The following COL5A2 variants were observed in gnomAD, a reference collection of about 807,000 sequenced individuals.
COL5A2 encodes collagen type V alpha 2 chain, also known as collagen alpha-2(V) chain.
In COL5A2, 23 loss-of-function variants were observed where a neutral mutation model predicts 208.2. The observed-to-expected ratio is 0.11, with a 90% CI of 0.08 to 0.16. COL5A2 has a LOEUF of 0.16. COL5A2 is among the 10% of genes least tolerant of loss of function. The probability of loss-of-function intolerance (pLI) is 1.00; values close to 1 mark genes in which losing one functional copy is unlikely to be tolerated. For missense variants in COL5A2, 1,590 were observed against 1,956.4 expected, an observed-to-expected ratio of 0.81 and a Z score of 3.53; for synonymous variants, 625 against 628.5, an observed-to-expected ratio of 0.99 and a Z score of 0.08.
intron 45 of COL5A2, among the ~76,000 whole-genome samples, chr2:189,047,034 A>C (rs1014535339): frequency 6.6e-6 from 1 of 151,946 alleles, no homozygotes; most frequent in Non-Finnish European, 1.5e-5. Flanking sequence ...AGGCAGGAGA[A>C]TCACTTGAAC....
the COL5A2 span, among the ~76,000 whole-genome samples, chr2:189,374,530 C>T: frequency 4.2e-3 from 644 of 152,048 alleles, 5 homozygotes; most frequent in African/African-American, 0.015. Flanking sequence ...ATGTGTGTTG[C>T]ATGAATGCAT....
At chr2:189,339,550 T>A in the COL5A2 span, among the ~76,000 whole-genome samples, 1 of 152,106 alleles carries the variant, frequency 6.6e-6, no homozygotes, top group African/African-American at 2.4e-5. Context: ...AGAAAGCCAA[T>A]CACTGAGCCA....
intron 1 of COL5A2, among the ~76,000 whole-genome samples, chr2:189,206,190 G>A (rs760543510): frequency 1.3e-5 from 2 of 152,288 alleles, no homozygotes; most frequent in Non-Finnish European, 2.9e-5. Flanking sequence ...GTGGGGAACC[G>A]GGAAGGGCAG....
At position 189,065,024 on chromosome 2, in the gene COL5A2, C is replaced by G. The variant is rs1266959795; in HGVS notation, c.1597G>C (p.Asp533His). Residue 533 changes from aspartate (D) to histidine (H), a missense_variant, in exon 24 of 54, where the codon GAT becomes CAT. Transcript: ENST00000374866. ...CTCACCTTTGGCCCAGGTAAACCATCAGAGCCTGGAAAACCACGATTGCCA... is the reference window on the plus strand; with the variant it reads ...CTCACCTTTGGCCCAGGTAAACCATGAGAGCCTGGAAAACCACGATTGCCA... ...APGNRGFPGS[D>H]GLPGPKGAQG... 1.2e-6 allele frequency: 2 copies of G among 1,613,804 alleles called. No individual in the cohort carries two copies. Among genetic ancestry groups the G allele is most frequent in the African/African-American group, 2.7e-5 (2 of 75,024 alleles).
chr2:189,427,639 C>G, the COL5A2 span, among the ~76,000 whole-genome samples: 80 of 152,324 alleles, frequency 5.3e-4, no homozygotes, highest in African/African-American at 1.9e-3. Context: ...GTGAACCCTG[C>G]AAAGCCACAG....
At chr2:189,128,690 T>C (rs753598278) in intron 1 of COL5A2, among the ~76,000 whole-genome samples, 3 of 152,008 alleles carry the variant, frequency 2.0e-5, no homozygotes, top group African/African-American at 7.2e-5. Context: ...GATTCAGAAA[T>C]AATTACTATC....
Position 189,032,824 on chromosome 2 carries a change from G to T in COL5A2, c.*1246C>A, listed in dbSNP as rs147584410. ...GTCTAACAGTTATGTTTTCACAATGGTAGTGATTAAACCATCTTTATTTTT... is the reference window on the plus strand; with the variant it reads ...GTCTAACAGTTATGTTTTCACAATGTTAGTGATTAAACCATCTTTATTTTT... On this transcript the variant is annotated 3_prime_UTR_variant, in exon 54 of 54. Coordinates refer to ENST00000374866, the MANE Select transcript of COL5A2 (RefSeq NM_000393.5). 5 of 152,640 alleles carry T rather than the reference G, an allele frequency of 3.3e-5. No individual in the cohort carries two copies. The East Asian group carries it at 9.7e-4, about 30-fold the overall frequency. The allele number at this position is 152,640 out of a possible 1,614,324, so 9.5% of individuals were successfully genotyped here. A position where few individuals can be genotyped will look rare whatever the true frequency, so the allele number is the denominator to read the frequency against.
At chr2:189,375,976 T>G in the COL5A2 span, among the ~76,000 whole-genome samples, 7 of 152,306 alleles carry the variant, frequency 4.6e-5, no homozygotes, top group South Asian at 1.2e-3. Flanking sequence ...GAGATCTTTT[T>G]GCCCTTTTCT....
At chr2:189,323,725 T>C in the COL5A2 span, among the ~76,000 whole-genome samples, 1 of 152,126 alleles carries the variant, frequency 6.6e-6, no homozygotes. Flanking sequence ...AGAATCAATA[T>C]TGTGAAAATG....
At chr2:189,213,597 G>A (rs1222064149) in intron 1 of COL5A2, among the ~76,000 whole-genome samples, 1 of 152,224 alleles carries the variant, frequency 6.6e-6, no homozygotes, top group Admixed American at 6.5e-5. Context: ...CCAGACTGTA[G>A]GAAACTACAG....
intron 1 of COL5A2, among the ~76,000 whole-genome samples, chr2:189,144,033 G>C (rs1263287947): frequency 6.6e-6 from 1 of 151,872 alleles, no homozygotes; most frequent in East Asian, 1.9e-4. Context: ...CTTTAGAGGA[G>C]GAAAAAAAAG....
chr2:189,064,697 G>A (rs767931677), intron 24 of COL5A2, 42 bp from the exon 25 acceptor site: 1 of 1,367,766 alleles, frequency 7.3e-7, no homozygotes. Flanking sequence ...AAAGAGTATA[G>A]AAAAACAAAA....
intron 52 of COL5A2, among the ~76,000 whole-genome samples, chr2:189,035,470 C>T (rs559640542): frequency 5.5e-4 from 83 of 151,852 alleles, no homozygotes; most frequent in Non-Finnish European, 8.4e-4. Context: ...ATTTTTATTG[C>T]TAATTATAAT....
chr2:189,346,268 T>C, the COL5A2 span, among the ~76,000 whole-genome samples: 1 of 152,160 alleles, frequency 6.6e-6, no homozygotes, highest in African/African-American at 2.4e-5. Flanking sequence ...CAGCTCTTAG[T>C]TTGCTTTCTG....
chr2:189,242,205 C>T, the COL5A2 span, among the ~76,000 whole-genome samples: 1 of 152,046 alleles, frequency 6.6e-6, no homozygotes, highest in East Asian at 1.9e-4. Context: ...TGCTTTCTGG[C>T]ATGTCTTAAT....
At chr2:189,041,169 G>T (rs916352814) in intron 50 of COL5A2, among the ~76,000 whole-genome samples, 4 of 152,096 alleles carry the variant, frequency 2.6e-5, no homozygotes, top group African/African-American at 9.7e-5. Context: ...TTTAATCAAA[G>T]TCCTCCCTGA....
At chr2:189,107,524 C>A (rs1687174912) in intron 2 of COL5A2, among the ~76,000 whole-genome samples, 1 of 151,290 alleles carries the variant, frequency 6.6e-6, no homozygotes, top group South Asian at 2.1e-4. Flanking sequence ...TCTCACTTTT[C>A]AACTTCTGTT....
In COL5A2 at chr2:189,032,586, T is replaced by C. The variant is rs1166016179; in HGVS notation, c.*1484A>G. 2.6e-5 allele frequency: 4 copies of C among 152,152 alleles called. No individual in the cohort carries two copies. Among genetic ancestry groups the C allele is most frequent in the Non-Finnish European group, 5.9e-5 (4 of 68,008 alleles). 9.4% of individuals were successfully genotyped at this position (152,152 alleles called of 1,614,324 possible). On this transcript the variant is annotated 3_prime_UTR_variant, in exon 54 of 54. Transcript: ENST00000374866. ...TGACCAAAGTTGTATGCATGGCTTG[T>C]CTTTTGGGATGGTCCCAGCTGTTTA...
At chr2:189,153,731 G>C (rs1232864905) in intron 1 of COL5A2, among the ~76,000 whole-genome samples, 4 of 151,814 alleles carry the variant, frequency 2.6e-5, no homozygotes, top group Non-Finnish European at 5.9e-5. Flanking sequence ...TATACTCTCT[G>C]GTTTCTGCTT....
Sources: gnomAD v4.1 joint callset for allele counts (sites outside exome capture counted in the v4.1 genomes callset) on GRCh38, gnomAD v4.1.1 for gene constraint, MANE v1.5 for transcripts, NCBI Gene and HGNC (gene_info 2026-07-23, HGNC 2026-07-21) for gene names.